The following ZDHHC3 variants were observed in gnomAD, a reference collection of about 807,000 sequenced individuals.
ZDHHC3 encodes the protein palmitoyltransferase ZDHHC3.
ZDHHC3 carries 9 observed loss-of-function variants against 30.6 expected under a neutral mutation model. The ratio of observed to expected loss-of-function variants is 0.29; its 90% confidence interval spans 0.18 to 0.51. The LOEUF (loss-of-function observed/expected upper bound fraction) is 0.51, where lower values mean the gene tolerates loss of function less well. ZDHHC3 is among the 20% of genes least tolerant of loss of function. The pLI is 0.97. For missense variants in ZDHHC3, 246 were observed against 384.2 expected, an observed-to-expected ratio of 0.64 and a Z score of 3.01; for synonymous variants, 136 against 140.2, an observed-to-expected ratio of 0.97 and a Z score of 0.21.
intron 3 of ZDHHC3, among the ~76,000 whole-genome samples, chr3:44,942,811 C>A (rs4683012): frequency 0.59 from 89,022 of 152,084 alleles, 27,251 homozygotes; most frequent in East Asian, 0.9. Flanking sequence ...GAAGGTCCAC[C>A]GTGTAGCAAG....
chr3:44,922,737 G>T lies in ZDHHC3; in HGVS notation c.*3952C>A. The T allele has an allele frequency of 1.0e-6, 1 of 984,576 alleles. No individual in the cohort carries two copies. Among genetic ancestry groups the T allele is most frequent in the Middle Eastern group, 5.2e-4 (1 of 1,912 alleles). 61.0% of individuals were successfully genotyped at this position (984,576 alleles called of 1,614,324 possible). ...AGACACGGGCTGCTGGGCCCCGCTC[G>T]GTTTCTGGTTCGGTAGCCTGGGGTG... On this transcript the variant is annotated 3_prime_UTR_variant, in exon 7 of 7. Coordinates refer to ENST00000424952, the MANE Select transcript of ZDHHC3 (RefSeq NM_001135179.2).
At chr3:44,945,345 A>C (rs954015247) in intron 2 of ZDHHC3, 53 bp from the exon 3 acceptor site, 5 of 1,611,906 alleles carry the variant, frequency 3.1e-6, no homozygotes, top group Non-Finnish European at 2.5e-6. Flanking sequence ...TATCAGCTCT[A>C]ACATTCTACA....
chr3:44,945,244 G>A lies in ZDHHC3; in HGVS notation c.355C>T (p.Gln119Ter), dbSNP rs1183274727. ...NATKEFIESL[Q>*]LKPGQVVYKC... ...TACACCACCTGCCCAGGCTTCAACT[G>A]TAAACTCTCGATGAATTCTTTAGTG... The change falls in exon 3 of 7, where the codon CAG (glutamine) becomes TAG (stop). Residue 119 changes from glutamine to a stop codon, truncating the protein, a stop_gained. Coordinates refer to ENST00000424952, the MANE Select transcript of ZDHHC3 (RefSeq NM_001135179.2). LOFTEE classifies it high-confidence loss of function. 1.2e-6 allele frequency: 2 copies of A among 1,614,116 alleles called. No individual in the cohort carries two copies. The highest frequency in any genetic ancestry group is 1.3e-5 in the African/African-American group (1 of 74,940).
chr3:44,921,307 T>A lies in ZDHHC3; in HGVS notation c.*5382A>T. On this transcript the variant is annotated 3_prime_UTR_variant, in exon 7 of 7. Transcript: ENST00000424952. ...AGGCTGTTCCCTGCTCCCTGTATCA[T>A]CAGATGTAGAAAGCCAGAGCCTCAG... 1 of 985,344 alleles carries A rather than the reference T, an allele frequency of 1.0e-6. No homozygotes were observed. The highest frequency in any genetic ancestry group is 1.2e-6 in the Non-Finnish European group (1 of 829,930). The allele number at this position is 985,344 out of a possible 1,614,324, so 61.0% of individuals were successfully genotyped here.
intron 2 of ZDHHC3, among the ~76,000 whole-genome samples, chr3:44,956,576 T>C (rs1484744534): frequency 6.6e-6 from 1 of 152,164 alleles, no homozygotes; most frequent in Non-Finnish European, 1.5e-5. Flanking sequence ...AGACCAATTA[T>C]AGTAGTCTCT....
At chr3:44,928,492 C>T (rs910356331) in intron 6 of ZDHHC3, among the ~76,000 whole-genome samples, 7 of 152,152 alleles carry the variant, frequency 4.6e-5, no homozygotes, top group African/African-American at 1.2e-4. Flanking sequence ...CACCAGGAAT[C>T]GTACCGGGAT....
Position 44,921,543 on chromosome 3 carries a change from G to T in ZDHHC3, c.*5146C>A. The T allele has an allele frequency of 1.0e-6, 1 of 985,354 alleles. No individual in the cohort carries two copies. The highest frequency in any genetic ancestry group is 1.2e-6 in the Non-Finnish European group (1 of 829,930). The allele number at this position is 985,354 out of a possible 1,614,324, so 61.0% of individuals were successfully genotyped here. ...ATTAAACATTTTTCTTGAAAAACAT[G>T]CTGGTTGCAAACCATGAATGGCTGT... On this transcript the variant is annotated 3_prime_UTR_variant, in exon 7 of 7. Transcript: ENST00000424952.
At position 44,963,378 on chromosome 3, in the gene ZDHHC3, C is replaced by T. The variant is rs144504278; in HGVS notation, c.-24-3918G>A. On this transcript the variant is annotated intron_variant, in intron 1 of 6. Coordinates refer to ENST00000424952, the MANE Select transcript of ZDHHC3 (RefSeq NM_001135179.2). ...AGTTTCAAAATATCCCCATCAAAAC[C>T]AAGAAAGGCATACTGCTATAAAAAG... is the stretch of plus-strand genomic sequence containing the variant. Among the ~76,000 whole-genome samples the T allele has an allele frequency of 4.4e-3, 675 of 152,086 alleles. 3 individuals are homozygous for T. The highest frequency in any genetic ancestry group is 0.014 in the African/African-American group (563 of 41,464).
Position 44,916,446 on chromosome 3 carries a change from C to T in ZDHHC3, c.*10243G>A, listed in dbSNP as rs952181608. ...ACCTCCAAACACTGACCTTCTTCTC[C>T]TCTGAACTGCAGCCACAGGCCCCTT... On this transcript the variant is annotated 3_prime_UTR_variant, in exon 7 of 7. Coordinates refer to ENST00000424952, the MANE Select transcript of ZDHHC3 (RefSeq NM_001135179.2). 10 of 152,432 alleles carry T rather than the reference C, an allele frequency of 6.6e-5. No homozygotes were observed. Among genetic ancestry groups the T allele is most frequent in the African/African-American group, 2.2e-4 (9 of 41,586 alleles). 9.4% of individuals were successfully genotyped at this position (152,432 alleles called of 1,614,324 possible). A position where few individuals can be genotyped will look rare whatever the true frequency, so the allele number is the denominator to read the frequency against.
At chr3:44,935,327 G>C (rs1559670396) in intron 3 of ZDHHC3, among the ~76,000 whole-genome samples, 1 of 152,186 alleles carries the variant, frequency 6.6e-6, no homozygotes, top group African/African-American at 2.4e-5. Context: ...CCAGGCTAGA[G>C]TGCAGTGGTG....
chr3:44,973,937 A>C (rs1189974337), intron 1 of ZDHHC3, among the ~76,000 whole-genome samples: 20 of 152,232 alleles, frequency 1.3e-4, no homozygotes. Flanking sequence ...AGACGGTTTA[A>C]TACTGTGCCA....
chr3:44,961,866 A>C (rs1034375022), intron 1 of ZDHHC3, among the ~76,000 whole-genome samples: 17 of 152,238 alleles, frequency 1.1e-4, no homozygotes, highest in African/African-American at 4.8e-5. Context: ...TTGATTATAA[A>C]TTGTCTCTGG....
At chr3:44,967,445 A>G (rs929595544) in intron 1 of ZDHHC3, among the ~76,000 whole-genome samples, 2 of 152,226 alleles carry the variant, frequency 1.3e-5, no homozygotes, top group Admixed American at 6.5e-5. Flanking sequence ...ACCCTTTGGG[A>G]GGCTGAGGCA....
Position 44,926,740 on chromosome 3 carries a change from G to C in ZDHHC3, c.849C>G (p.Pro283=). The change falls in exon 7 of 7, where the codon CCC becomes CCG. Residue 283 remains proline (P), a synonymous_variant. Transcript: ENST00000424952. ...GHPFSLGWAS[P]FATPDQGKAD... ...CCTTCCCTTGGTCTGGCGTGGCAAA[G>C]GGGCTGGCCCAGCCTAGAGAGAAGG... 1 of 1,613,608 alleles carries C rather than the reference G, an allele frequency of 6.2e-7. No homozygotes were observed. The highest frequency in any genetic ancestry group is 8.5e-7 in the Non-Finnish European group (1 of 1,179,940).
In ZDHHC3 at chr3:44,925,917, T is replaced by G; in HGVS notation, c.*772A>C. 1 of 985,834 alleles carries G rather than the reference T, an allele frequency of 1.0e-6. No individual in the cohort carries two copies. The highest frequency in any genetic ancestry group is 1.2e-6 in the Non-Finnish European group (1 of 829,918). 61.1% of individuals were successfully genotyped at this position (985,834 alleles called of 1,614,324 possible). On this transcript the variant is annotated 3_prime_UTR_variant, in exon 7 of 7. Transcript: ENST00000424952. ...GGAAAACGTAGCTTGCCTGAAATTG[T>G]GTAATTTTTTTTCCTCTTGATTGTA... is the stretch of plus-strand genomic sequence containing the variant.
chr3:44,964,432 T>C (rs1455806534), intron 1 of ZDHHC3, among the ~76,000 whole-genome samples: 1 of 152,148 alleles, frequency 6.6e-6, no homozygotes, highest in Non-Finnish European at 1.5e-5. Context: ...ACCAGGGCTG[T>C]GTGCGTGTCT....
chr3:44,946,804 C>A (rs1702980560), intron 2 of ZDHHC3, among the ~76,000 whole-genome samples: 1 of 152,144 alleles, frequency 6.6e-6, no homozygotes, highest in South Asian at 2.1e-4. Flanking sequence ...TATGCAGTGT[C>A]AGCGGGGAGG....
At position 44,959,498 on chromosome 3, in the gene ZDHHC3, G is replaced by C; in HGVS notation, c.-24-38C>G. ...GGAAAGAATCCAGAAACTTGGTGTT[G>C]TCTTGTCATCAAGGAGGTTTGACAA... On this transcript the variant is annotated intron_variant, in intron 1 of 6. Transcript: ENST00000424952. The surrounding 1 kb of genome is among the most constrained non-coding windows in gnomAD (Gnocchi z 4.3). The C allele has an allele frequency of 6.4e-7, 1 of 1,557,602 alleles. No individual in the cohort carries two copies. The highest frequency in any genetic ancestry group is 8.7e-7 in the Non-Finnish European group (1 of 1,147,912).
chr3:44,949,150 G>A (rs1272363794), intron 2 of ZDHHC3, among the ~76,000 whole-genome samples: 2 of 152,010 alleles, frequency 1.3e-5, no homozygotes, highest in Non-Finnish European at 2.9e-5. Context: ...TCAGATGTCA[G>A]AAAAGCCTAT....
Sources: allele counts gnomAD v4.1 joint callset (sites outside exome capture counted in the v4.1 genomes callset), GRCh38; gene constraint gnomAD v4.1.1; non-coding constraint Gnocchi (gnomAD v3.1); transcripts MANE v1.5; gene names NCBI Gene and HGNC (gene_info 2026-07-23, HGNC 2026-07-21).